VPS26B: variants seen among roughly 807,000 people sequenced by gnomAD.
The protein encoded by VPS26B is vacuolar protein sorting-associated protein 26B.
A neutral mutation model predicts 33.3 loss-of-function variants in VPS26B; 10 were observed. The observed-to-expected ratio is 0.30, with a 90% confidence interval of 0.19 to 0.51. The LOEUF (loss-of-function observed/expected upper bound fraction) is 0.51. Ranked by LOEUF, VPS26B falls within the 20% of genes least tolerant of loss-of-function variation. The probability of loss-of-function intolerance (pLI) is 0.98; values close to 1 mark genes in which losing one functional copy is unlikely to be tolerated. For missense variants in VPS26B, 317 were observed against 452.7 expected (o/e 0.70, Z 2.72); for synonymous variants, 190 against 176.9 (o/e 1.07, Z -0.59).
At position 134,247,354 on chromosome 11, in the gene VPS26B, A is replaced by G. The variant is rs13982; in HGVS notation, c.*1764A>G. 9,559 of 152,218 alleles carry G rather than the reference A, an allele frequency of 0.063. 420 individuals carry two copies. The highest frequency in any genetic ancestry group is 0.13 in the African/African-American group (5,497 of 41,512). 9.4% of individuals were successfully genotyped at this position (152,218 alleles called of 1,614,324 possible). On this transcript the variant is annotated 3_prime_UTR_variant, in exon 6 of 6. Coordinates refer to ENST00000281187, the MANE Select transcript of VPS26B (RefSeq NM_052875.5). ...TCTGTATCCCTCCTTTTCCTAGCTG[A>G]TATTCTAACTAGAAGCATTTGTCAA...
At chr11:134,235,102 G>T in intron 2 of VPS26B, 49 bp downstream of exon 2, 1 of 1,582,398 alleles carries the variant, frequency 6.3e-7, no homozygotes, top group Non-Finnish European at 8.6e-7. Flanking sequence ...CCTGCCCCAT[G>T]TGGACAAGGA....
At position 134,235,241 on chromosome 11, in the gene VPS26B, T is replaced by C. The variant is rs73603065; in HGVS notation, c.380+188T>C. On this transcript the variant is annotated intron_variant, in intron 2 of 5. Transcript: ENST00000281187. ...AGGAAAGTGGCCCTAGGTTGTAGCATGTGTCAATTTCTGTAGTGTACATAG... is the reference window on the plus strand; with the variant it reads ...AGGAAAGTGGCCCTAGGTTGTAGCACGTGTCAATTTCTGTAGTGTACATAG... The C allele has an allele frequency of 6.4e-3, 4,181 of 652,512 alleles. 89 individuals are homozygous for C. Among genetic ancestry groups the C allele is most frequent in the African/African-American group, 0.057 (3,102 of 54,514 alleles). 40.4% of individuals were successfully genotyped at this position (652,512 alleles called of 1,614,324 possible).
At position 134,245,203 on chromosome 11, in the gene VPS26B, C is replaced by G; in HGVS notation, c.864+123C>G. On this transcript the variant is annotated intron_variant, in intron 5 of 5. Coordinates refer to ENST00000281187, the MANE Select transcript of VPS26B (RefSeq NM_052875.5). This position sits in a 1 kb window ranked among gnomAD's most constrained non-coding sequence, Gnocchi z 4.7. ...GAACATTAGGTCGCCCACAATTGCA[C>G]AACAAGAATGAGGATTCTCACCTGG... The G allele has an allele frequency of 7.1e-7, 1 of 1,404,838 alleles. No individual in the cohort carries two copies. 87.0% of individuals were successfully genotyped at this position (1,404,838 alleles called of 1,614,324 possible). A position where few individuals can be genotyped will look rare whatever the true frequency, so the allele number is the denominator to read the frequency against.
In VPS26B at chr11:134,224,952, A is replaced by C; in HGVS notation, c.-171A>C. 2.7e-6 allele frequency: 1 copy of C among 366,064 alleles called. No individual in the cohort carries two copies. The highest frequency in any genetic ancestry group is 4.4e-6 in the Non-Finnish European group (1 of 229,708). 22.7% of individuals were successfully genotyped at this position (366,064 alleles called of 1,614,324 possible). On this transcript the variant is annotated 5_prime_UTR_variant, in exon 1 of 6. Coordinates refer to ENST00000281187, the MANE Select transcript of VPS26B (RefSeq NM_052875.5). ...CCCCGGCCGTGCCCCTCCCCCGTGG[A>C]GCCGGCTGTCCGTCGGCGCCCACTG...
chr11:134,228,522 G>A (rs1032831098), intron 1 of VPS26B, among the ~76,000 whole-genome samples: 2 of 151,790 alleles, frequency 1.3e-5, no homozygotes, highest in Non-Finnish European at 2.9e-5. Flanking sequence ...CAAGAACAAG[G>A]CATTAGAATA....
At position 134,245,560 on chromosome 11, in the gene VPS26B, C is replaced by T. The variant is rs1366388964; in HGVS notation, c.981C>T (p.Ser327=). The T allele has an allele frequency of 6.2e-7, 1 of 1,612,558 alleles. No individual in the cohort carries two copies. Among genetic ancestry groups the T allele is most frequent in the Non-Finnish European group, 8.5e-7 (1 of 1,179,864 alleles). The change falls in exon 6 of 6, where the codon AGC becomes AGT. Residue 327 remains serine, a synonymous_variant. Coordinates refer to ENST00000281187, the MANE Select transcript of VPS26B (RefSeq NM_052875.5). The surrounding 1 kb of genome is among the most constrained non-coding windows in gnomAD (Gnocchi z 4.7). ...TTSLGEVRTP[S]QLSDNNCRQ ...CCCTGGGTGAGGTGCGGACCCCCAG[C>T]CAGCTGTCTGACAACAACTGCAGGC...
intron 1 of VPS26B, among the ~76,000 whole-genome samples, chr11:134,230,186 G>C (rs1009254858): frequency 2.0e-5 from 3 of 151,558 alleles, no homozygotes; most frequent in African/African-American, 7.3e-5. Flanking sequence ...TAAAAAACTT[G>C]TCTGTCTTTC....
chr11:134,238,001 T>C (rs1938657920), intron 2 of VPS26B, among the ~76,000 whole-genome samples: 2 of 152,164 alleles, frequency 1.3e-5, no homozygotes, highest in African/African-American at 4.8e-5. Flanking sequence ...GGAAAAGGCC[T>C]TTAGCTAGAG....
chr11:134,232,856 C>G (rs1938575387), intron 1 of VPS26B, among the ~76,000 whole-genome samples: 1 of 152,186 alleles, frequency 6.6e-6, no homozygotes, highest in Non-Finnish European at 1.5e-5. Flanking sequence ...TCGGCTTCCA[C>G]ACGAAAGCCA....
chr11:134,231,521 C>A (rs1367636872), intron 1 of VPS26B, among the ~76,000 whole-genome samples: 1 of 151,196 alleles, frequency 6.6e-6, no homozygotes, highest in Non-Finnish European at 1.5e-5. Flanking sequence ...GGCCAGCCAG[C>A]AGACAGTGGC....
chr11:134,237,327 A>G (rs1365305380), intron 2 of VPS26B, among the ~76,000 whole-genome samples: 1 of 152,218 alleles, frequency 6.6e-6, no homozygotes. Flanking sequence ...TGAGGAATGT[A>G]ACAGACACCA....
In VPS26B at chr11:134,234,883, C is replaced by T. The variant is rs564009351; in HGVS notation, c.224-14C>T. The T allele has an allele frequency of 5.0e-6, 8 of 1,612,110 alleles. No individual in the cohort carries two copies. The African/African-American group carries it at 6.7e-5, about 13-fold the overall frequency. ...TCTGATAAAGGAGGGCGTCGCATCG[C>T]TGTCTCTCACCAGAACTCTACTACG... is the stretch of plus-strand genomic sequence containing the variant. On this transcript the variant is annotated splice_polypyrimidine_tract_variant and intron_variant, in intron 1 of 5. Coordinates refer to ENST00000281187, the MANE Select transcript of VPS26B (RefSeq NM_052875.5).
intron 3 of VPS26B, among the ~76,000 whole-genome samples, chr11:134,241,458 T>C (rs1938724324): frequency 6.6e-6 from 1 of 152,180 alleles, no homozygotes; most frequent in Non-Finnish European, 1.5e-5. Flanking sequence ...AGCCCACCAG[T>C]GAACAGAGAG....
At chr11:134,234,637 G>T (rs1025972955) in intron 1 of VPS26B, among the ~76,000 whole-genome samples, 4 of 152,144 alleles carry the variant, frequency 2.6e-5, no homozygotes, top group African/African-American at 9.7e-5. Flanking sequence ...TTAAAAGATG[G>T]TGTCCGAGTG....
intron 2 of VPS26B, chr11:134,235,314 G>A (rs971694763): frequency 8.6e-6 from 3 of 347,666 alleles, no homozygotes; most frequent in Non-Finnish European, 1.6e-5. Context: ...AAATGTAGAG[G>A]TGGGAGAGAT....
intron 1 of VPS26B, 125 bp from the exon 2 acceptor site, chr11:134,234,772 G>A: frequency 1.7e-6 from 2 of 1,155,140 alleles, no homozygotes; most frequent in Non-Finnish European, 2.4e-6. Context: ...GCTAGAAGGG[G>A]TCTGTTCTGC....
chr11:134,240,212 C>T lies in VPS26B; in HGVS notation c.545+57C>T. 6.3e-7 allele frequency: 1 copy of T among 1,582,926 alleles called. No homozygotes were observed. The highest frequency in any genetic ancestry group is 2.2e-5 in the East Asian group (1 of 44,694). On this transcript the variant is annotated intron_variant, in intron 3 of 5. Transcript: ENST00000281187. The surrounding 1 kb of genome is among the most constrained non-coding windows in gnomAD (Gnocchi z 4.4). ...ATTATTTAAGGAGGTTAAGATGGGACTTGATGCAGATGCAAACTGATGACC... is the reference window on the plus strand; with the variant it reads ...ATTATTTAAGGAGGTTAAGATGGGATTTGATGCAGATGCAAACTGATGACC...
intron 3 of VPS26B, among the ~76,000 whole-genome samples, chr11:134,241,641 C>T (rs1029924062): frequency 1.3e-5 from 2 of 152,246 alleles, no homozygotes; most frequent in African/African-American, 2.4e-5. Context: ...CTGTGCCACC[C>T]GTAGGAGCTC....
chr11:134,229,507 C>T (rs1012423881), intron 1 of VPS26B, among the ~76,000 whole-genome samples: 14 of 152,180 alleles, frequency 9.2e-5, no homozygotes, highest in Admixed American at 3.9e-4. Context: ...AGCCCCACTG[C>T]GTCTCCTTTT....
Sources: gnomAD v4.1 joint callset for allele counts (sites outside exome capture counted in the v4.1 genomes callset) on GRCh38, gnomAD v4.1.1 for gene constraint, Gnocchi (gnomAD v3.1) non-coding constraint, MANE v1.5 for transcripts, NCBI Gene and HGNC (gene_info 2026-07-23, HGNC 2026-07-21) for gene names.